DNAH5: variants seen among roughly 807,000 people sequenced by gnomAD.
The protein encoded by DNAH5 is axonemal beta dynein heavy chain 5.
DNAH5 carries 372 observed loss-of-function variants against 518.2 expected under a neutral mutation model. That is an observed-to-expected ratio of 0.72 (90% CI 0.66 to 0.78). The LOEUF (loss-of-function observed/expected upper bound fraction) is 0.78. Ranked by LOEUF, DNAH5 falls within the 30% of genes least tolerant of loss-of-function variation. The probability of loss-of-function intolerance (pLI) is 0.00; values close to 1 mark genes in which losing one functional copy is unlikely to be tolerated. For missense variants in DNAH5, 5,523 were observed against 5,687.0 expected (o/e 0.97, Z 0.93); for synonymous variants, 2,039 against 2,025.9 (o/e 1.01, Z -0.17).
intron 3 of DNAH5, 33 bp downstream of exon 3, chr5:13,928,061 A>T: frequency 6.5e-7 from 1 of 1,542,070 alleles, no homozygotes; most frequent in Non-Finnish European, 9.0e-7. Context: ...CTAATAACAC[A>T]TTTCTGGGTT....
rs1305166776 is a variant in DNAH5, at chr5:13,721,061, A to G, written c.12218T>C (p.Val4073Ala). The G allele has an allele frequency of 6.2e-6, 10 of 1,614,150 alleles. No homozygotes were observed. The highest frequency in any genetic ancestry group is 7.6e-6 in the Non-Finnish European group (9 of 1,179,996). The change falls in exon 71 of 79, where the codon GTG (valine) becomes GCG (alanine). Residue 4073 changes from valine to alanine, a missense_variant. Physicochemically the swap from Val to Ala is moderately conservative, Grantham distance 64 (BLOSUM62 0). This residue lies in a region of DNAH5 where 5,121 missense variants were observed against 5,223.3 expected (regional missense o/e 0.98). Transcript: ENST00000265104. ...GACTTCCTGGCCCTGGCCCATGGAC[A>G]CATAACGGGTTTCTATTTTTAATCT... The part of the protein sequence containing the change: ...GKRLKIETRY[V>A]SMGQGQEVHA...
At chr5:13,764,273 C>G (rs1752197993) in intron 59 of DNAH5, among the ~76,000 whole-genome samples, 1 of 152,112 alleles carries the variant, frequency 6.6e-6, no homozygotes, top group African/African-American at 2.4e-5. Context: ...CTACATTAAA[C>G]CTAAGAATTT....
At chr5:13,906,354 G>A (rs1305855120) in intron 12 of DNAH5, among the ~76,000 whole-genome samples, 1 of 151,992 alleles carries the variant, frequency 6.6e-6, no homozygotes, top group African/African-American at 2.4e-5. Context: ...GCATTCTGGG[G>A]GAGAGTAGGG....
intron 1 of DNAH5, among the ~76,000 whole-genome samples, chr5:13,996,245 C>T (rs1372010): frequency 0.37 from 56,584 of 151,904 alleles, 11,386 homozygotes; most frequent in East Asian, 0.81. Flanking sequence ...TATTATTGCA[C>T]TGGGCATCAC....
intron 1 of DNAH5, among the ~76,000 whole-genome samples, chr5:13,971,617 T>C (rs182659015): frequency 2.0e-5 from 3 of 152,222 alleles, no homozygotes; most frequent in Non-Finnish European, 2.9e-5. Context: ...AAGAGCCCTG[T>C]GATGTGATCC....
intron 3 of DNAH5, among the ~76,000 whole-genome samples, chr5:13,927,302 G>A (rs1777983157): frequency 6.6e-6 from 1 of 152,086 alleles, no homozygotes; most frequent in South Asian, 2.1e-4. Flanking sequence ...GACCATCCTA[G>A]CCAACATGCT....
At chr5:13,917,354 A>T in intron 7 of DNAH5, 98 bp from the exon 8 acceptor site, 1 of 846,934 alleles carries the variant, frequency 1.2e-6, no homozygotes, top group Non-Finnish European at 2.0e-6. Flanking sequence ...ATTAGGCGAG[A>T]CCTTCTGTCC....
chr5:13,696,241 C>T (rs1037783584), intron 78 of DNAH5, among the ~76,000 whole-genome samples: 2 of 152,220 alleles, frequency 1.3e-5, no homozygotes, highest in African/African-American at 4.8e-5. Flanking sequence ...ACAGCAGCTA[C>T]AGCTCTGAAG....
Position 13,841,808 on chromosome 5 carries a change from TA to T in DNAH5, c.5367del (p.Asn1790IlefsTer14), listed in dbSNP as rs760870431. 5.0e-6 allele frequency: 8 copies of T among 1,611,712 alleles called. No homozygotes were observed. In the East Asian group the frequency reaches 1.8e-4, roughly 36 times the overall value. ...GACTGAGATTCTTCCAAAAGAGAAT[TA>T]AGCCAAACTTCCACATTGCCCTCTG... ...VMAEGNVEVW[L>X]NSLLEESQSS... On this transcript the variant is annotated frameshift_variant, in exon 33 of 79. Transcript: ENST00000265104. LOFTEE classifies it high-confidence loss of function.
At chr5:14,011,792 T>G (rs1270945175) in exon 1 of DNAH5, among the ~76,000 whole-genome samples, 1 of 152,180 alleles carries the variant, frequency 6.6e-6, no homozygotes, top group Non-Finnish European at 1.5e-5. Context: ...GCCGGCTGTT[T>G]GCTGCTCCTG....
chr5:13,732,380 T>C (rs1363675624), intron 68 of DNAH5, among the ~76,000 whole-genome samples: 1 of 152,048 alleles, frequency 6.6e-6, no homozygotes, highest in East Asian at 1.9e-4. Flanking sequence ...AGCCCCTTTT[T>C]TTGTGAGAGG....
chr5:13,793,550 G>A lies in DNAH5; in HGVS notation c.8189C>T (p.Thr2730Met), dbSNP rs1161099550. The A allele has an allele frequency of 1.2e-5, 20 of 1,613,884 alleles. No homozygotes were observed. The highest frequency in any genetic ancestry group is 3.3e-5 in the South Asian group (3 of 91,080). Residue 2730 changes from threonine (T) to methionine (M), a missense_variant, in exon 49 of 79, where the codon ACG becomes ATG. This residue lies in a region of DNAH5 where 5,121 missense variants were observed against 5,223.3 expected (regional missense o/e 0.98). Coordinates refer to ENST00000265104, the MANE Select transcript of DNAH5 (RefSeq NM_001369.3). ...LKRQFSIFNC[T>M]LPSEASVDKI... ...GTCCACAGAAGCTTCAGAGGGCAAC[G>A]TGCAATTAAATATAGAGAACTGCCT...
chr5:13,982,126 T>G (rs1297871231), intron 1 of DNAH5, among the ~76,000 whole-genome samples: 1 of 152,280 alleles, frequency 6.6e-6, no homozygotes, highest in Non-Finnish European at 1.5e-5. Context: ...CAAGGCGAGC[T>G]TCTTACCACC....
chr5:13,969,186 AG>A (rs1439373772), intron 1 of DNAH5, among the ~76,000 whole-genome samples: 1 of 152,048 alleles, frequency 6.6e-6, no homozygotes, highest in African/African-American at 2.4e-5. Context: ...TTTCTAACTT[AG>A]CTTATTTGGA....
chr5:13,887,821 C>T (rs1772644755), intron 17 of DNAH5, among the ~76,000 whole-genome samples: 1 of 152,152 alleles, frequency 6.6e-6, no homozygotes, highest in African/African-American at 2.4e-5. Context: ...GGTGACCTAC[C>T]CTCTCCACCG....
intron 60 of DNAH5, among the ~76,000 whole-genome samples, chr5:13,762,340 C>T (rs1751897938): frequency 6.7e-6 from 1 of 149,786 alleles, no homozygotes; most frequent in Non-Finnish European, 1.5e-5. Flanking sequence ...CCCTACCTCA[C>T]TCATAGGATT....
chr5:13,692,303 T>C (rs1740800466), intron 78 of DNAH5, among the ~76,000 whole-genome samples, 168 bp from the exon 79 acceptor site: 2 of 152,166 alleles, frequency 1.3e-5, no homozygotes, highest in South Asian at 2.1e-4. Flanking sequence ...GTGAGGCAGA[T>C]GCTCCCACAT....
intron 35 of DNAH5, among the ~76,000 whole-genome samples, chr5:13,831,107 T>C (rs961512847): frequency 6.6e-6 from 1 of 152,232 alleles, no homozygotes; most frequent in Non-Finnish European, 1.5e-5. Flanking sequence ...TTCCAAAATG[T>C]ATTTGGCAAC....
rs113557025 is a variant in DNAH5 at position 13,725,762 on chromosome 5, C to G, written c.12033+1745G>C. The stretch of plus-strand genomic sequence containing the variant: ...CTCCACTTTCCAAGTTCAAGCGATT[C>G]TCCTGCCTCAGCCTCCCAAGTAGCT... On this transcript the variant is annotated intron_variant, in intron 70 of 78. Transcript: ENST00000265104. Among the ~76,000 whole-genome samples the G allele has an allele frequency of 2.1e-3, 319 of 152,292 alleles. 3 individuals carry two copies. Among genetic ancestry groups the G allele is most frequent in the African/African-American group, 7.4e-3 (306 of 41,544 alleles).
Sources: allele counts gnomAD v4.1 joint callset (sites outside exome capture counted in the v4.1 genomes callset), GRCh38; gene constraint gnomAD v4.1.1; regional missense constraint gnomAD v4.1.1; transcripts MANE v1.5; gene names NCBI Gene and HGNC (gene_info 2026-07-23, HGNC 2026-07-21).